The following EPB41L4A variants were observed in gnomAD, a reference collection of about 807,000 sequenced individuals.
EPB41L4A encodes erythrocyte membrane protein band 4.1 like 4A.
In EPB41L4A, 100 loss-of-function variants were observed where a neutral mutation model predicts 108.6. The observed-to-expected ratio is 0.92, with a 90% CI of 0.78 to 1.09. The LOEUF (loss-of-function observed/expected upper bound fraction) is 1.09. Ranked by LOEUF, EPB41L4A falls within the 50% of genes least tolerant of loss-of-function variation. The pLI is 0.00. For synonymous variants in EPB41L4A, 319 were observed against 289.0 expected, an observed-to-expected ratio of 1.10 and a Z score of -1.05; for missense variants, 1,030 against 842.7, an observed-to-expected ratio of 1.22 and a Z score of -2.75.
At chr5:112,215,493 T>C (rs999600864) in intron 12 of EPB41L4A, among the ~76,000 whole-genome samples, 2 of 152,162 alleles carry the variant, frequency 1.3e-5, no homozygotes, top group African/African-American at 4.8e-5. Context: ...TCGGGCGCGG[T>C]GGCTCACGCC....
intron 12 of EPB41L4A, among the ~76,000 whole-genome samples, chr5:112,225,308 T>C (rs1484368657): frequency 2.6e-5 from 4 of 152,228 alleles, no homozygotes; most frequent in Admixed American, 1.3e-4. Context: ...CCTGGACTTA[T>C]GCCCCTCTCC....
intron 1 of EPB41L4A, among the ~76,000 whole-genome samples, chr5:112,331,176 C>G (rs1284088760): frequency 6.6e-6 from 1 of 152,186 alleles, no homozygotes; most frequent in African/African-American, 2.4e-5. Context: ...GCTTCCTCTT[C>G]TAATGGAGGG....
In EPB41L4A at chr5:112,163,996, T is replaced by G. The variant is rs1406433021; in HGVS notation, c.*994A>C. On this transcript the variant is annotated 3_prime_UTR_variant, in exon 23 of 23. Transcript: ENST00000261486. ...TATAAGATGTCCTGCATAAGTATTT[T>G]CCCTGTAGATTGCAAAGTCATCTAT... 4 of 152,188 alleles carry G rather than the reference T, an allele frequency of 2.6e-5. No individual in the cohort carries two copies. Among genetic ancestry groups the G allele is most frequent in the Non-Finnish European group, 5.9e-5 (4 of 68,054 alleles). The allele number at this position is 152,188 out of a possible 1,614,324, so 9.4% of individuals were successfully genotyped here. A position where few individuals can be genotyped will look rare whatever the true frequency, so the allele number is the denominator to read the frequency against.
intron 1 of EPB41L4A, among the ~76,000 whole-genome samples, chr5:112,338,508 C>T (rs1433473682): frequency 6.6e-6 from 1 of 152,146 alleles, no homozygotes; most frequent in East Asian, 1.9e-4. Context: ...ACCAGGAAGG[C>T]CCTTCAAACC....
In EPB41L4A at chr5:112,164,924, C is replaced by T; in HGVS notation, c.*66G>A. ...GAGATTTGAATTAAGATACCTATTT[C>T]ACAGTTTCAAAAGTACCAGTGGCGC... is the stretch of plus-strand genomic sequence containing the variant. On this transcript the variant is annotated 3_prime_UTR_variant, in exon 23 of 23. Coordinates refer to ENST00000261486, the MANE Select transcript of EPB41L4A (RefSeq NM_022140.5). 1 of 1,434,348 alleles carries T rather than the reference C, an allele frequency of 7.0e-7. No individual in the cohort carries two copies. Among genetic ancestry groups the T allele is most frequent in the Non-Finnish European group, 9.3e-7 (1 of 1,079,820 alleles). 88.9% of individuals were successfully genotyped at this position (1,434,348 alleles called of 1,614,324 possible).
intron 1 of EPB41L4A, among the ~76,000 whole-genome samples, chr5:112,367,644 C>T (rs1247477444): frequency 2.0e-5 from 3 of 152,212 alleles, no homozygotes; most frequent in East Asian, 1.9e-4. Flanking sequence ...CTGGGCAACA[C>T]AGCAAGTGCG....
intron 1 of EPB41L4A, among the ~76,000 whole-genome samples, chr5:112,370,818 A>G (rs1469850217): frequency 6.6e-6 from 1 of 152,176 alleles, no homozygotes; most frequent in African/African-American, 2.4e-5. Flanking sequence ...AGGAGCCTGT[A>G]GTCCCAGCTA....
chr5:112,302,972 T>C (rs567556922), intron 2 of EPB41L4A, among the ~76,000 whole-genome samples: 2 of 152,302 alleles, frequency 1.3e-5, no homozygotes, highest in Admixed American at 6.5e-5. Flanking sequence ...GTGCTTCTCA[T>C]GATGCTCTTC....
At chr5:112,260,851 AG>A in intron 7 of EPB41L4A, among the ~76,000 whole-genome samples, 1 of 152,346 alleles carries the variant, frequency 6.6e-6, no homozygotes, top group East Asian at 1.9e-4. Flanking sequence ...ATACATTTGG[AG>A]GAATACCTGC....
chr5:112,209,617 A>C (rs1762633309), intron 13 of EPB41L4A, among the ~76,000 whole-genome samples: 1 of 152,218 alleles, frequency 6.6e-6, no homozygotes, highest in Non-Finnish European at 1.5e-5. Context: ...ATCACAAGAA[A>C]TTTTTAATTT....
intron 9 of EPB41L4A, among the ~76,000 whole-genome samples, chr5:112,241,541 A>T (rs1004904577): frequency 2.0e-5 from 3 of 152,244 alleles, no homozygotes; most frequent in Admixed American, 6.5e-5. Flanking sequence ...AACTTGAATC[A>T]AAAATATTCA....
chr5:112,330,992 A>G (rs1003361209), intron 1 of EPB41L4A, among the ~76,000 whole-genome samples: 1 of 152,108 alleles, frequency 6.6e-6, no homozygotes, highest in Non-Finnish European at 1.5e-5. Flanking sequence ...CATCTTCCGT[A>G]ACAGAAGTCA....
intron 1 of EPB41L4A, among the ~76,000 whole-genome samples, chr5:112,321,958 G>T (rs1755811560): frequency 6.6e-6 from 1 of 152,142 alleles, no homozygotes; most frequent in South Asian, 2.1e-4. Flanking sequence ...AAGTTTAAAA[G>T]ATAAAGGGAG....
At chr5:112,179,997 T>A (rs1437267670) in intron 18 of EPB41L4A, among the ~76,000 whole-genome samples, 3 of 152,292 alleles carry the variant, frequency 2.0e-5, no homozygotes, top group East Asian at 1.9e-4. Context: ...TCAGTATTTT[T>A]AAAAATCCTT....
intron 1 of EPB41L4A, among the ~76,000 whole-genome samples, chr5:112,384,735 AAAAGAG>A (rs1760391245): frequency 1.3e-5 from 2 of 152,044 alleles, no homozygotes; most frequent in East Asian, 3.9e-4. Flanking sequence ...AAGAGAAACA[AAAAGAG>A]AAAGAGAAAC....
intron 1 of EPB41L4A, among the ~76,000 whole-genome samples, chr5:112,336,688 G>A (rs923778763): frequency 1.3e-5 from 2 of 152,188 alleles, no homozygotes; most frequent in African/African-American, 4.8e-5. Context: ...GAAAGGAGAT[G>A]ATGACAACAT....
At chr5:112,169,980 C>T in intron 20 of EPB41L4A, 1 of 301,302 alleles carries the variant, frequency 3.3e-6, no homozygotes, top group Non-Finnish European at 6.1e-6. Context: ...CAACATAATT[C>T]TCTTGGTGTA....
intron 12 of EPB41L4A, among the ~76,000 whole-genome samples, chr5:112,156,197 T>C (rs1430423559): frequency 3.3e-5 from 5 of 152,012 alleles, no homozygotes; most frequent in Non-Finnish European, 7.4e-5. Context: ...AAAAAAACTA[T>C]TAGCAATGTA....
intron 1 of EPB41L4A, among the ~76,000 whole-genome samples, chr5:112,337,069 G>T (rs1436133853): frequency 6.6e-6 from 1 of 152,090 alleles, no homozygotes; most frequent in African/African-American, 2.4e-5. Flanking sequence ...TTACCCCTCA[G>T]TGTTTACCTT....
Sources: gnomAD v4.1 joint callset for allele counts (sites outside exome capture counted in the v4.1 genomes callset) on GRCh38, gnomAD v4.1.1 for gene constraint, MANE v1.5 for transcripts, NCBI Gene and HGNC (gene_info 2026-07-23, HGNC 2026-07-21) for gene names.